The following C12orf56 variants were observed in gnomAD, a reference collection of about 807,000 sequenced individuals.
C12orf56 encodes the protein chromosome 12 open reading frame 56, also known as uncharacterized protein C12orf56.
A neutral mutation model predicts 69.9 loss-of-function variants in C12orf56; 71 were observed. The ratio of observed to expected loss-of-function variants is 1.02; its 90% CI spans 0.84 to 1.24. The LOEUF (loss-of-function observed/expected upper bound fraction) is 1.24. Ranked by LOEUF, C12orf56 falls within the 50% of genes most tolerant of loss-of-function variation. The pLI, the probability that C12orf56 is intolerant of heterozygous loss-of-function variation, is 0.00. For synonymous variants in C12orf56, 276 were observed against 274.1 expected, an observed-to-expected ratio of 1.01 and a Z score of -0.07; for missense variants, 732 against 738.5, an observed-to-expected ratio of 0.99 and a Z score of 0.10.
chr12:64,340,301 C>G (rs1436361031), intron 2 of C12orf56, among the ~76,000 whole-genome samples: 1 of 152,038 alleles, frequency 6.6e-6, no homozygotes, highest in Non-Finnish European at 1.5e-5. Context: ...CTTCCCCAGC[C>G]CACTGACTCA....
chr12:64,300,892 A>G (rs141936856), intron 6 of C12orf56, among the ~76,000 whole-genome samples: 2 of 152,126 alleles, frequency 1.3e-5, no homozygotes, highest in African/African-American at 4.8e-5. Flanking sequence ...CCCAAATCTC[A>G]TCTTGAATTG....
At chr12:64,311,412 CA>C (rs533651112) in intron 5 of C12orf56, among the ~76,000 whole-genome samples, 235 of 101,194 alleles carry the variant, frequency 2.3e-3, no homozygotes, top group African/African-American at 5.4e-3. Flanking sequence ...GACTTTGTCT[CA>C]AAAAAAAAAA....
intron 5 of C12orf56, among the ~76,000 whole-genome samples, chr12:64,305,685 A>G (rs767568195): frequency 2.3e-4 from 35 of 152,252 alleles, no homozygotes; most frequent in Non-Finnish European, 3.8e-4. Flanking sequence ...GCCCGGCCAA[A>G]TGTGCTATTT....
intron 2 of C12orf56, among the ~76,000 whole-genome samples, chr12:64,342,504 G>A (rs1161459333): frequency 6.6e-6 from 1 of 152,210 alleles, no homozygotes; most frequent in Non-Finnish European, 1.5e-5. Flanking sequence ...ATACAGGCTA[G>A]GGGAGAGAAG....
intron 1 of C12orf56, among the ~76,000 whole-genome samples, chr12:64,358,777 CAGTG>C (rs1299267813): frequency 1.3e-5 from 2 of 151,926 alleles, no homozygotes; most frequent in Non-Finnish European, 2.9e-5. Context: ...CTGGGCGACA[CAGTG>C]AGACTCCATC....
intron 12 of C12orf56, among the ~76,000 whole-genome samples, 176 bp downstream of exon 12, chr12:64,270,360 C>T (rs993989367): frequency 4.6e-5 from 7 of 152,166 alleles, no homozygotes; most frequent in Non-Finnish European, 7.4e-5. Context: ...AAGATTGCAC[C>T]ACTGTATTCC....
Position 64,353,060 on chromosome 12 carries a change from G to GA in C12orf56, c.253-5dup. 1.9e-6 allele frequency: 3 copies of GA among 1,602,846 alleles called. No individual in the cohort carries two copies. The highest frequency in any genetic ancestry group is 3.5e-5 in the Admixed American group (2 of 57,614). ...AAAATTCCGGGTAATCATCAATCTG[G>GA]AAAAAAAATTAATTCACCTCATTGA... On this transcript the variant is annotated splice_polypyrimidine_tract_variant and splice_region_variant and intron_variant, in intron 1 of 12. Transcript: ENST00000543942.
chr12:64,379,445 C>T (rs1222734458), intron 1 of C12orf56, among the ~76,000 whole-genome samples: 2 of 151,946 alleles, frequency 1.3e-5, no homozygotes, highest in South Asian at 4.2e-4. Flanking sequence ...CCACCATGCC[C>T]GGCTATTTTT....
intron 7 of C12orf56, 75 bp from the exon 8 acceptor site, chr12:64,284,828 T>C (rs1252069931): frequency 5.1e-6 from 6 of 1,175,406 alleles, no homozygotes; most frequent in Non-Finnish European, 7.1e-6. Flanking sequence ...AAAGTAGTAA[T>C]TTTTGCTAAA....
At chr12:64,356,226 T>C (rs967751552) in intron 1 of C12orf56, among the ~76,000 whole-genome samples, 2 of 151,850 alleles carry the variant, frequency 1.3e-5, no homozygotes, top group African/African-American at 4.8e-5. Flanking sequence ...ATTTTTATAT[T>C]TTACAGAGAG....
intron 5 of C12orf56, among the ~76,000 whole-genome samples, chr12:64,309,724 TGG>T (rs1222552262): frequency 6.6e-6 from 1 of 152,214 alleles, no homozygotes; most frequent in Non-Finnish European, 1.5e-5. Flanking sequence ...TTGGCCAGGC[TGG>T]TCTCAAACTC....
intron 1 of C12orf56, among the ~76,000 whole-genome samples, chr12:64,363,052 C>T (rs567707519): frequency 6.6e-6 from 1 of 152,144 alleles, no homozygotes; most frequent in Non-Finnish European, 1.5e-5. Flanking sequence ...CTTGTGCTGA[C>T]CTTCTGTCTC....
intron 1 of C12orf56, among the ~76,000 whole-genome samples, chr12:64,384,377 C>T (rs1405919355): frequency 6.6e-6 from 1 of 152,158 alleles, no homozygotes; most frequent in Non-Finnish European, 1.5e-5. Flanking sequence ...TATTATGTTC[C>T]AGTGACTGTC....
chr12:64,352,824 C>T, intron 2 of C12orf56, 70 bp downstream of exon 2: 2 of 1,330,882 alleles, frequency 1.5e-6, no homozygotes, highest in South Asian at 1.9e-5. Context: ...TATCCTGCAT[C>T]AATTTTAAGA....
intron 1 of C12orf56, among the ~76,000 whole-genome samples, chr12:64,359,491 C>A (rs1032738972): frequency 5.3e-5 from 8 of 151,914 alleles, no homozygotes; most frequent in African/African-American, 1.7e-4. Context: ...AAAAAAAATT[C>A]AAAAATAAAA....
At chr12:64,356,050 G>A (rs952645908) in intron 1 of C12orf56, among the ~76,000 whole-genome samples, 2 of 151,988 alleles carry the variant, frequency 1.3e-5, no homozygotes, top group Admixed American at 6.6e-5. Flanking sequence ...TGTAATCCCA[G>A]CTACTTGGGA....
At chr12:64,288,863 G>A (rs1346958806) in intron 6 of C12orf56, among the ~76,000 whole-genome samples, 1 of 151,348 alleles carries the variant, frequency 6.6e-6, no homozygotes, top group Non-Finnish European at 1.5e-5. Flanking sequence ...GAACTTTAAA[G>A]TAGTTTTTTC....
At chr12:64,367,450 A>C (rs989703171) in intron 1 of C12orf56, among the ~76,000 whole-genome samples, 4 of 150,386 alleles carry the variant, frequency 2.7e-5, no homozygotes, top group Non-Finnish European at 4.4e-5. Context: ...AGATAGTACA[A>C]TGTTACAACA....
At chr12:64,348,499 T>C (rs79261882) in intron 2 of C12orf56, among the ~76,000 whole-genome samples, 1 of 152,210 alleles carries the variant, frequency 6.6e-6, no homozygotes, top group African/African-American at 2.4e-5. Flanking sequence ...TCAAGTGCTT[T>C]AACACTCTAA....
Sources: allele counts gnomAD v4.1 joint callset (sites outside exome capture counted in the v4.1 genomes callset), GRCh38; gene constraint gnomAD v4.1.1; transcripts MANE v1.5; gene names NCBI Gene and HGNC (gene_info 2026-07-23, HGNC 2026-07-21).